The following KCND2 variants were observed in gnomAD, a reference collection of about 807,000 sequenced individuals.
KCND2 encodes potassium voltage-gated channel subfamily D member 2.
In KCND2, 16 loss-of-function variants were observed where a neutral mutation model predicts 54.4. The ratio of observed to expected loss-of-function variants is 0.29; its 90% CI spans 0.20 to 0.45. The LOEUF is 0.45. Ranked by LOEUF, KCND2 falls within the 20% of genes least tolerant of loss-of-function variation. The pLI, the probability that KCND2 is intolerant of heterozygous loss-of-function variation, is 1.00. For missense variants in KCND2, 486 were observed against 824.2 expected, an observed-to-expected ratio of 0.59 and a Z score of 5.02; for synonymous variants, 317 against 310.7, an observed-to-expected ratio of 1.02 and a Z score of -0.21.
chr7:120,535,103 T>C (rs1253882653), intron 1 of KCND2, among the ~76,000 whole-genome samples: 3 of 152,146 alleles, frequency 2.0e-5, no homozygotes, highest in Admixed American at 1.3e-4. Context: ...GCTATTATAG[T>C]AATCTTCTGG....
intron 1 of KCND2, among the ~76,000 whole-genome samples, chr7:120,645,838 G>T (rs1793436079): frequency 6.6e-6 from 1 of 152,146 alleles, no homozygotes; most frequent in Non-Finnish European, 1.5e-5. Flanking sequence ...CCTAATATAG[G>T]GTTTTGTGTT....
chr7:120,678,056 A>T (rs1488045694), intron 1 of KCND2, among the ~76,000 whole-genome samples: 1 of 151,948 alleles, frequency 6.6e-6, no homozygotes, highest in Admixed American at 6.6e-5. Context: ...GCTTTTATGA[A>T]TTGAGACCAA....
intron 1 of KCND2, among the ~76,000 whole-genome samples, chr7:120,372,865 G>C (rs1194390397): frequency 6.6e-6 from 1 of 151,926 alleles, no homozygotes; most frequent in Non-Finnish European, 1.5e-5. Context: ...CCCCAGAATG[G>C]AATAGCTGCC....
chr7:120,587,411 A>G (rs886221761), intron 1 of KCND2, among the ~76,000 whole-genome samples: 20 of 152,212 alleles, frequency 1.3e-4, no homozygotes, highest in African/African-American at 4.6e-4. Context: ...TAACTTTTCA[A>G]AATTTTAGCC....
chr7:120,318,006 C>T (rs912507268), intron 1 of KCND2, among the ~76,000 whole-genome samples: 8 of 152,096 alleles, frequency 5.3e-5, no homozygotes, highest in Non-Finnish European at 1.0e-4. Context: ...TGTGTATTTG[C>T]CACCATGTTC....
At chr7:120,656,542 A>G (rs946413919) in intron 1 of KCND2, among the ~76,000 whole-genome samples, 3 of 152,204 alleles carry the variant, frequency 2.0e-5, no homozygotes, top group African/African-American at 7.2e-5. Context: ...ATCCAAGTGT[A>G]TCTATAATGT....
intron 1 of KCND2, among the ~76,000 whole-genome samples, chr7:120,418,806 CA>C (rs1801565793): frequency 6.6e-6 from 1 of 152,156 alleles, no homozygotes; most frequent in South Asian, 2.1e-4. Flanking sequence ...TACCCCACTC[CA>C]TGAGTGGCTG....
intron 1 of KCND2, among the ~76,000 whole-genome samples, chr7:120,683,261 TACAAA>T (rs1257102540): frequency 6.6e-6 from 1 of 152,158 alleles, no homozygotes; most frequent in East Asian, 1.9e-4. Context: ...ATGGTGTCAT[TACAAA>T]TGGAGATGGA....
rs757409386 is a variant in KCND2 at position 120,745,927 on chromosome 7, C to T, written c.1615C>T (p.Arg539Cys). ...CCSRRHKKTF[R>C]IPNANVSGSH... ...TTCACGACGACACAAAAAAACTTTT[C>T]GCATCCCAAATGCCAATGTATCAGG... The change falls in exon 5 of 6, where the codon CGC becomes TGC. Residue 539 changes from arginine (R) to cysteine (C), a missense_variant. Arg to Cys is a radical substitution (Grantham distance 180). Coordinates refer to ENST00000331113, the MANE Select transcript of KCND2 (RefSeq NM_012281.3). 8.7e-6 allele frequency: 14 copies of T among 1,613,752 alleles called. No homozygotes were observed. Among genetic ancestry groups the T allele is most frequent in the South Asian group, 3.3e-5 (3 of 91,082 alleles).
intron 1 of KCND2, among the ~76,000 whole-genome samples, chr7:120,377,695 A>G (rs754926089): frequency 1.3e-5 from 2 of 151,912 alleles, no homozygotes; most frequent in African/African-American, 2.4e-5. Context: ...GAGTCAGTGT[A>G]TTATTTTATA....
At chr7:120,454,476 A>G (rs1046159561) in intron 1 of KCND2, among the ~76,000 whole-genome samples, 3 of 152,206 alleles carry the variant, frequency 2.0e-5, no homozygotes, top group Non-Finnish European at 4.4e-5. Flanking sequence ...ACATCTAAAA[A>G]TATGCAACCT....
At chr7:120,567,182 T>C (rs1792309458) in intron 1 of KCND2, among the ~76,000 whole-genome samples, 1 of 152,196 alleles carries the variant, frequency 6.6e-6, no homozygotes, top group South Asian at 2.1e-4. Flanking sequence ...CTTCAACAAT[T>C]GAAATGATTG....
rs148181581 is a variant in KCND2 at position 120,292,640 on chromosome 7, T to C, written c.1115+16893T>C. ...GTAATTGGAATTTTAAGGCAACCCA[T>C]TTCTTTGCAGCACAGCTCAAATTTT... On this transcript the variant is annotated intron_variant, in intron 1 of 5. Transcript: ENST00000331113. Among the ~76,000 whole-genome samples the C allele has an allele frequency of 1.6e-3, 237 of 152,064 alleles. 1 individual carries two copies. The highest frequency in any genetic ancestry group is 5.6e-3 in the African/African-American group (232 of 41,554).
intron 1 of KCND2, among the ~76,000 whole-genome samples, chr7:120,727,845 AGT>A (rs1463313872): frequency 3.3e-5 from 5 of 151,940 alleles, no homozygotes; most frequent in African/African-American, 1.2e-4. Flanking sequence ...GAGTAGAAAG[AGT>A]ATGGGGGGCC....
intron 1 of KCND2, among the ~76,000 whole-genome samples, chr7:120,556,182 A>G (rs1792160827): frequency 6.6e-6 from 1 of 152,152 alleles, no homozygotes; most frequent in African/African-American, 2.4e-5. Context: ...CTCCAACACT[A>G]TTTATTGCCC....
At chr7:120,595,063 T>C (rs1326730089) in intron 1 of KCND2, among the ~76,000 whole-genome samples, 5 of 150,108 alleles carry the variant, frequency 3.3e-5, no homozygotes, top group African/African-American at 1.2e-4. Flanking sequence ...TGGAAATCGA[T>C]GTGTCATAAG....
At chr7:120,318,411 G>A (rs1584727801) in intron 1 of KCND2, among the ~76,000 whole-genome samples, 1 of 152,086 alleles carries the variant, frequency 6.6e-6, no homozygotes, top group Non-Finnish European at 1.5e-5. Flanking sequence ...GATTCTATAT[G>A]AAAGGTGAAT....
chr7:120,591,787 G>A (rs1420783432), intron 1 of KCND2, among the ~76,000 whole-genome samples: 6 of 152,098 alleles, frequency 3.9e-5, no homozygotes, highest in Non-Finnish European at 8.8e-5. Flanking sequence ...ATAAGATAAA[G>A]CAAGTAAAAG....
At chr7:120,431,671 T>C (rs1310859345) in intron 1 of KCND2, among the ~76,000 whole-genome samples, 1 of 152,208 alleles carries the variant, frequency 6.6e-6, no homozygotes, top group South Asian at 2.1e-4. Context: ...TTGTTTCCCA[T>C]ACTCCTAAGA....
Sources: allele counts gnomAD v4.1 joint callset (sites outside exome capture counted in the v4.1 genomes callset), GRCh38; gene constraint gnomAD v4.1.1; transcripts MANE v1.5; gene names NCBI Gene and HGNC (gene_info 2026-07-23, HGNC 2026-07-21).